PAK5: variants seen among roughly 807,000 people sequenced by gnomAD.
PAK5 encodes p21 (RAC1) activated kinase 5, also known as serine/threonine-protein kinase PAK 5.
Under a neutral mutation model 65.9 loss-of-function variants are expected in PAK5, and 16 were observed. The observed-to-expected ratio is 0.24, with a 90% CI of 0.16 to 0.37. The LOEUF is 0.37. PAK5 is among the 10% of genes least tolerant of loss of function. The probability of loss-of-function intolerance (pLI) is 1.00; values close to 1 mark genes in which losing one functional copy is unlikely to be tolerated. For missense variants in PAK5, 785 were observed against 903.9 expected (o/e 0.87, Z 1.69); for synonymous variants, 371 against 354.9 (o/e 1.05, Z -0.51).
chr20:9,784,730 TCAGA>T (rs1294233922), intron 1 of PAK5, among the ~76,000 whole-genome samples: 1 of 151,468 alleles, frequency 6.6e-6, no homozygotes, highest in East Asian at 1.9e-4. Flanking sequence ...AGGGAAGACA[TCAGA>T]CATAGATGGA....
At chr20:9,718,768 C>G (rs76276388) in intron 1 of PAK5, among the ~76,000 whole-genome samples, 2,379 of 152,248 alleles carry the variant, frequency 0.016, 28 homozygotes, top group Middle Eastern at 0.044. Context: ...AGAAATATGT[C>G]TTCATCACTC....
At position 9,729,683 on chromosome 20, in the gene PAK5, C is replaced by T. The variant is rs142151188; in HGVS notation, c.-161-18248G>A. 9.7e-4 allele frequency among the ~76,000 whole-genome samples: 147 copies of T among 152,240 alleles called. 1 individual carries two copies. The highest frequency in any genetic ancestry group is 3.5e-3 in the African/African-American group (145 of 41,550). On this transcript the variant is annotated intron_variant, in intron 1 of 9. Transcript: ENST00000353224. ...ATGTGATGGCTGGAGTTTCAGCAGTCCTCTTGGACCATGAAGTGAGAAAGA... is the reference window on the plus strand; with the variant it reads ...ATGTGATGGCTGGAGTTTCAGCAGTTCTCTTGGACCATGAAGTGAGAAAGA...
intron 1 of PAK5, among the ~76,000 whole-genome samples, chr20:9,823,576 G>T (rs971762445): frequency 6.6e-6 from 1 of 152,110 alleles, no homozygotes; most frequent in Non-Finnish European, 1.5e-5. Context: ...TAAGACGATC[G>T]TTTGCTCTTC....
chr20:9,548,572 GACA>G (rs780268923), intron 7 of PAK5, among the ~76,000 whole-genome samples: 2 of 152,088 alleles, frequency 1.3e-5, no homozygotes, highest in Non-Finnish European at 2.9e-5. Flanking sequence ...ATTCCTTGGG[GACA>G]ACAACTCTGC....
At chr20:9,596,365 G>A (rs1247137971) in intron 3 of PAK5, among the ~76,000 whole-genome samples, 2 of 152,108 alleles carry the variant, frequency 1.3e-5, no homozygotes, top group Non-Finnish European at 2.9e-5. Context: ...GGCCAGGCAC[G>A]GAGGCTCACG....
At chr20:9,698,919 A>G (rs1442802536) in intron 2 of PAK5, among the ~76,000 whole-genome samples, 1 of 152,220 alleles carries the variant, frequency 6.6e-6, no homozygotes. Context: ...TAACAAAATA[A>G]CCATTTTTAA....
At chr20:9,564,060 G>C (rs2045633851) in intron 5 of PAK5, among the ~76,000 whole-genome samples, 1 of 152,194 alleles carries the variant, frequency 6.6e-6, no homozygotes, top group South Asian at 2.1e-4. Context: ...GGAGTTAGAA[G>C]ATGTGGATTG....
chr20:9,794,770 T>C (rs989012763), intron 1 of PAK5, among the ~76,000 whole-genome samples: 3 of 152,070 alleles, frequency 2.0e-5, no homozygotes, highest in Non-Finnish European at 2.9e-5. Context: ...CATTTTATCT[T>C]TTTTTTAAGG....
intron 3 of PAK5, among the ~76,000 whole-genome samples, chr20:9,602,339 T>G (rs952926213): frequency 7.8e-6 from 1 of 128,052 alleles, no homozygotes; most frequent in South Asian, 2.5e-4. Context: ...AATAAATAAA[T>G]AAAATAAACT....
At chr20:9,704,016 C>T (rs75449739) in intron 2 of PAK5, among the ~76,000 whole-genome samples, 9 of 152,254 alleles carry the variant, frequency 5.9e-5, no homozygotes, top group South Asian at 2.1e-4. Context: ...AGAAGGATGA[C>T]GCCTGTCTTC....
At chr20:9,758,959 T>C (rs996001083) in intron 1 of PAK5, among the ~76,000 whole-genome samples, 5 of 152,042 alleles carry the variant, frequency 3.3e-5, no homozygotes, top group African/African-American at 1.2e-4. Flanking sequence ...CTGAGTGTAG[T>C]TCCAGGTCTG....
At chr20:9,668,940 T>C (rs909669389) in intron 2 of PAK5, among the ~76,000 whole-genome samples, 4 of 152,184 alleles carry the variant, frequency 2.6e-5, no homozygotes, top group Non-Finnish European at 5.9e-5. Flanking sequence ...TGGTGCCCAA[T>C]ATCATGGCAT....
rs1368962798 is a variant in PAK5, at chr20:9,688,203, G to A, written c.-12+23083C>T. Among the ~76,000 whole-genome samples the A allele has an allele frequency of 5.3e-5, 8 of 152,154 alleles. No homozygotes were observed. In the East Asian group the frequency reaches 1.6e-3, roughly 30 times the overall value. The stretch of plus-strand genomic sequence containing the variant: ...CAGATTTAAACAGAGGGCAGACTTT[G>A]CTTCCTTCCTATTTCCAAGCTAGAC... On this transcript the variant is annotated intron_variant, in intron 2 of 9. Transcript: ENST00000353224.
chr20:9,663,642 T>C (rs910394412), intron 2 of PAK5, among the ~76,000 whole-genome samples: 2 of 152,170 alleles, frequency 1.3e-5, no homozygotes, highest in Non-Finnish European at 2.9e-5. Flanking sequence ...AAATTACCCT[T>C]CCCTTTGGAA....
chr20:9,635,422 C>T (rs967405108), intron 3 of PAK5, among the ~76,000 whole-genome samples: 15 of 152,132 alleles, frequency 9.9e-5, no homozygotes, highest in Admixed American at 9.2e-4. Flanking sequence ...AAAAGTGCCC[C>T]GTGCCATCCA....
rs55861453 is a variant in PAK5 at position 9,558,043 on chromosome 20, T to TATTTATTTATTC, written c.1617-310_1617-309insGAATAAATAAAT. 5.0e-3 allele frequency among the ~76,000 whole-genome samples: 701 copies of TATTTATTTATTC among 138,912 alleles called. 3 individuals carry two copies. Among genetic ancestry groups the TATTTATTTATTC allele is most frequent in the Middle Eastern group, 7.0e-3 (2 of 286 alleles). 91.1% of individuals were successfully genotyped at this position (138,912 alleles called of 152,430 possible). Reference sequence around the variant, plus strand: ...TTATTTATTTATTTATTTATTTATTTATTCATTCATTCATTCATTCATTCA... The same window carrying TATTTATTTATTC: ...TTATTTATTTATTTATTTATTTATTTATTTATTTATTCATTCATTCATTCATTCATTCATTCA... On this transcript the variant is annotated intron_variant, in intron 6 of 9. Transcript: ENST00000353224.
At chr20:9,699,553 GTTT>G (rs34450464) in intron 2 of PAK5, among the ~76,000 whole-genome samples, 57,521 of 138,670 alleles carry the variant, frequency 0.41, 11,622 homozygotes, top group South Asian at 0.52. Flanking sequence ...TTTGCTTCTT[GTTT>G]TTTTTTTTTT....
At chr20:9,561,206 A>G (rs1452828316) in intron 6 of PAK5, among the ~76,000 whole-genome samples, 1 of 152,196 alleles carries the variant, frequency 6.6e-6, no homozygotes, top group African/African-American at 2.4e-5. Flanking sequence ...AGAAAATTAG[A>G]AAAGAAAATG....
intron 2 of PAK5, among the ~76,000 whole-genome samples, chr20:9,690,465 G>A (rs1171156384): frequency 1.3e-5 from 2 of 152,102 alleles, no homozygotes; most frequent in African/African-American, 4.8e-5. Context: ...AGGAAGCAAT[G>A]GTAGGGAAGT....
Sources: gnomAD v4.1 joint callset for allele counts (sites outside exome capture counted in the v4.1 genomes callset) on GRCh38, gnomAD v4.1.1 for gene constraint, MANE v1.5 for transcripts, NCBI Gene and HGNC (gene_info 2026-07-23, HGNC 2026-07-21) for gene names.